Variants in DPP10 observed in about 807,000 individuals in gnomAD.
DPP10 encodes inactive dipeptidyl peptidase 10.
In DPP10, 33 loss-of-function variants were observed where a neutral mutation model predicts 120.9. That is an observed-to-expected ratio of 0.27 (90% CI 0.21 to 0.37). The LOEUF (loss-of-function observed/expected upper bound fraction) is 0.37, where lower values mean the gene tolerates loss of function less well. Ranked by LOEUF, DPP10 falls within the 10% of genes least tolerant of loss-of-function variation. DPP10 has a pLI of 1.00. For synonymous variants in DPP10, 337 were observed against 326.1 expected (o/e 1.03, Z -0.36); for missense variants, 816 against 942.8 (o/e 0.87, Z 1.76).
intron 1 of DPP10, among the ~76,000 whole-genome samples, chr2:114,505,403 TAG>T (rs1683560785): frequency 1.3e-5 from 2 of 152,150 alleles, no homozygotes; most frequent in South Asian, 2.1e-4. Context: ...CTCTGGTGAT[TAG>T]AGTGTTCCTC....
intron 1 of DPP10, among the ~76,000 whole-genome samples, chr2:115,300,291 C>A (rs1164454528): frequency 6.6e-6 from 1 of 152,030 alleles, no homozygotes; most frequent in Non-Finnish European, 1.5e-5. Flanking sequence ...TTTGACTACT[C>A]GACGCACGTC....
chr2:115,304,505 A>G (rs1340929566), intron 1 of DPP10, among the ~76,000 whole-genome samples: 2 of 152,076 alleles, frequency 1.3e-5, no homozygotes, highest in African/African-American at 2.4e-5. Context: ...TTTTGTTAAA[A>G]CACACCCACA....
intron 1 of DPP10, among the ~76,000 whole-genome samples, chr2:114,719,404 C>T (rs1209126033): frequency 1.3e-5 from 2 of 152,170 alleles, no homozygotes; most frequent in Non-Finnish European, 2.9e-5. Context: ...GCCCACCCAC[C>T]CCCATTTCTG....
At chr2:115,828,531 A>G (rs1367567141) in intron 21 of DPP10, among the ~76,000 whole-genome samples, 2 of 151,978 alleles carry the variant, frequency 1.3e-5, no homozygotes, top group Non-Finnish European at 2.9e-5. Context: ...ACTCACTAAT[A>G]TGCTGTTCAA....
At chr2:115,757,781 A>ATT in intron 11 of DPP10, among the ~76,000 whole-genome samples, 1 of 151,284 alleles carries the variant, frequency 6.6e-6, no homozygotes, top group Admixed American at 6.6e-5. Context: ...AATCAATATA[A>ATT]TATATTAAGA....
At chr2:115,528,262 G>A (rs544626010) in intron 5 of DPP10, among the ~76,000 whole-genome samples, 3 of 151,810 alleles carry the variant, frequency 2.0e-5, no homozygotes, top group Non-Finnish European at 2.9e-5. Flanking sequence ...TAATGCAAAT[G>A]ACGAGTTAAT....
chr2:115,143,804 A>G (rs2051061320), intron 1 of DPP10, among the ~76,000 whole-genome samples: 1 of 152,208 alleles, frequency 6.6e-6, no homozygotes, highest in African/African-American at 2.4e-5. Context: ...GATCCCCAGG[A>G]CATTTCATTC....
intron 1 of DPP10, among the ~76,000 whole-genome samples, chr2:115,163,093 G>A (rs902456918): frequency 3.9e-5 from 6 of 152,132 alleles, no homozygotes; most frequent in Admixed American, 6.5e-5. Flanking sequence ...AGTGCGCTGC[G>A]AAGGCTGCTG....
intron 1 of DPP10, among the ~76,000 whole-genome samples, chr2:115,245,333 T>C (rs1307466657): frequency 6.6e-6 from 1 of 151,686 alleles, no homozygotes. Flanking sequence ...AATAGACAAT[T>C]CTCAAAAGAA....
intron 1 of DPP10, among the ~76,000 whole-genome samples, chr2:115,289,485 C>CA (rs71394125): frequency 0.12 from 4,463 of 38,660 alleles, 53 homozygotes; most frequent in Middle Eastern, 0.17. Flanking sequence ...CATAAGAAAC[C>CA]AAAAAAAAAA....
intron 1 of DPP10, among the ~76,000 whole-genome samples, chr2:114,787,480 C>T (rs1334201049): frequency 6.6e-6 from 1 of 152,052 alleles, no homozygotes; most frequent in African/African-American, 2.4e-5. Context: ...TTAAGTATAC[C>T]TTTTATAATA....
chr2:115,106,310 T>C lies in DPP10; in HGVS notation c.61-202929T>C, dbSNP rs780983669. Among the ~76,000 whole-genome samples the C allele has an allele frequency of 2.6e-5, 4 of 152,188 alleles. No homozygotes were observed. In the South Asian group the frequency reaches 8.3e-4, roughly 32 times the overall value. ...CTGTGTCAGTGTCTTACAGGACTGA[T>C]TTTTTACAAGATGGCTTTCTTGGCA... On this transcript the variant is annotated intron_variant, in intron 1 of 25. Coordinates refer to ENST00000410059, the MANE Select transcript of DPP10 (RefSeq NM_020868.6).
At chr2:115,817,560 CTTG>C (rs925342200) in intron 21 of DPP10, among the ~76,000 whole-genome samples, 3 of 152,218 alleles carry the variant, frequency 2.0e-5, no homozygotes, top group Admixed American at 6.5e-5. Context: ...GCATTCTACA[CTTG>C]TTGTCAGCAA....
chr2:115,201,058 G>A (rs565459575), intron 1 of DPP10, among the ~76,000 whole-genome samples: 89 of 152,074 alleles, frequency 5.9e-4, no homozygotes, highest in Middle Eastern at 3.4e-3. Context: ...ATCCTATTAA[G>A]AAAATAAATG....
chr2:115,791,065 C>T lies in DPP10; in HGVS notation c.1532-16C>T. On this transcript the variant is annotated splice_polypyrimidine_tract_variant and intron_variant, in intron 17 of 25. Transcript: ENST00000410059. Reference sequence around the variant, plus strand: ...CATAGGGGTTAGCTATTTACACTACCCTTTTTGGTTTACAGAATATTTTAT... The same window carrying T: ...CATAGGGGTTAGCTATTTACACTACTCTTTTTGGTTTACAGAATATTTTAT... The T allele has an allele frequency of 6.3e-7, 1 of 1,592,492 alleles. No individual in the cohort carries two copies. The highest frequency in any genetic ancestry group is 1.1e-5 in the South Asian group (1 of 89,520).
At chr2:114,740,671 T>G (rs1425396864) in intron 1 of DPP10, among the ~76,000 whole-genome samples, 2 of 152,142 alleles carry the variant, frequency 1.3e-5, no homozygotes, top group Non-Finnish European at 2.9e-5. Context: ...CTAAGCCAGA[T>G]GCATTTCAAG....
chr2:115,607,609 A>G (rs1294679190), intron 5 of DPP10, among the ~76,000 whole-genome samples: 1 of 152,206 alleles, frequency 6.6e-6, no homozygotes, highest in Non-Finnish European at 1.5e-5. Context: ...AGCATTTATT[A>G]TAACTCAGTA....
intron 1 of DPP10, among the ~76,000 whole-genome samples, chr2:114,695,712 G>A (rs1393601871): frequency 6.6e-6 from 1 of 151,930 alleles, no homozygotes; most frequent in Non-Finnish European, 1.5e-5. Context: ...TTCTTTTATG[G>A]TTCCAGGGAG....
Position 114,839,927 on chromosome 2 carries a change from A to G in DPP10, c.60+397089A>G, listed in dbSNP as rs562385576. The stretch of plus-strand genomic sequence containing the variant: ...TGCACACTCAGGGCTTACAACTGAA[A>G]AAAGAATCTGGCAATTTTATGCATG... On this transcript the variant is annotated intron_variant, in intron 1 of 25. Transcript: ENST00000410059. Among the ~76,000 whole-genome samples the G allele has an allele frequency of 7.2e-5, 11 of 152,310 alleles. No homozygotes were observed. In the East Asian group the frequency reaches 1.9e-3, roughly 27 times the overall value.
Sources: gnomAD v4.1 joint callset for allele counts (sites outside exome capture counted in the v4.1 genomes callset) on GRCh38, gnomAD v4.1.1 for gene constraint, MANE v1.5 for transcripts, NCBI Gene and HGNC (gene_info 2026-07-23, HGNC 2026-07-21) for gene names.